Variants in AKAP12 observed in about 807,000 individuals in gnomAD.
The protein encoded by AKAP12 is A-kinase anchoring protein 12, also known as A-kinase anchor protein 12.
A neutral mutation model predicts 79.9 loss-of-function variants in AKAP12; 32 were observed. The observed-to-expected ratio is 0.40, with a 90% CI of 0.30 to 0.54. The LOEUF is 0.54. AKAP12 is among the 20% of genes least tolerant of loss of function. The pLI is 0.48. For synonymous variants in AKAP12, 808 were observed against 857.0 expected, an observed-to-expected ratio of 0.94 and a Z score of 1.00; for missense variants, 2,074 against 2,177.0, an observed-to-expected ratio of 0.95 and a Z score of 0.94.
chr6:151,341,661 C>T, intron 3 of AKAP12: 3 of 1,143,546 alleles, frequency 2.6e-6, no homozygotes, highest in Middle Eastern at 2.5e-4. Flanking sequence ...CTGCGCGCGC[C>T]ATGCCCTGGT....
In AKAP12 at chr6:151,284,838, T is replaced by A. The variant is rs528138448; in HGVS notation, c.163-20909T>A. Among the ~76,000 whole-genome samples the A allele has an allele frequency of 2.0e-5, 3 of 152,312 alleles. No homozygotes were observed. In the South Asian group the frequency reaches 6.2e-4, roughly 32 times the overall value. On this transcript the variant is annotated intron_variant, in intron 2 of 4. Coordinates refer to ENST00000402676, the MANE Select transcript of AKAP12 (RefSeq NM_005100.4). The stretch of plus-strand genomic sequence containing the variant: ...GTCTTTGATGTGTGGCACTTCCTTT[T>A]GACTTGACGCATCCAGATGACATAG...
rs367742106 is a variant in AKAP12 at position 151,352,414 on chromosome 6, C to T, written c.4023C>T (p.Val1341=). The T allele has an allele frequency of 8.1e-6, 13 of 1,613,922 alleles. No homozygotes were observed. The highest frequency in any genetic ancestry group is 1.7e-5 in the Admixed American group (1 of 59,982). ...TGGAGAGAGAGATGGTAGTTCAAGT[C>T]GAAAGGGAGAAAACAGAAGCAGAGC... ...SPVEREMVVQ[V]EREKTEAEPT... Residue 1341 remains valine, a synonymous_variant, in exon 4 of 5, where the codon GTC becomes GTT. Coordinates refer to ENST00000402676, the MANE Select transcript of AKAP12 (RefSeq NM_005100.4).
intron 2 of AKAP12, among the ~76,000 whole-genome samples, chr6:151,280,917 C>T (rs1014259597): frequency 2.3e-4 from 35 of 152,148 alleles, no homozygotes; most frequent in Non-Finnish European, 1.0e-4. Flanking sequence ...TTGCAGTTAG[C>T]TTGAAACACT....
At chr6:151,285,541 A>G (rs1420252378) in intron 2 of AKAP12, among the ~76,000 whole-genome samples, 1 of 152,122 alleles carries the variant, frequency 6.6e-6, no homozygotes, top group East Asian at 1.9e-4. Flanking sequence ...ATTGAGTATT[A>G]TAGCAAAGTC....
chr6:151,251,870 G>C lies in AKAP12; in HGVS notation c.162+11146G>C, dbSNP rs193030705. Among the ~76,000 whole-genome samples the C allele has an allele frequency of 5.9e-3, 898 of 152,190 alleles. 9 individuals carry two copies. Among genetic ancestry groups the C allele is most frequent in the African/African-American group, 0.021 (864 of 41,524 alleles). On this transcript the variant is annotated intron_variant, in intron 2 of 4. Coordinates refer to ENST00000402676, the MANE Select transcript of AKAP12 (RefSeq NM_005100.4). ...AAATTAGCCAGGCATGGTGGCACGCGCCTGTAGTCCCACCTACCTGGGAAG... is the reference window on the plus strand; with the variant it reads ...AAATTAGCCAGGCATGGTGGCACGCCCCTGTAGTCCCACCTACCTGGGAAG...
intron 3 of AKAP12, among the ~76,000 whole-genome samples, chr6:151,334,929 A>G (rs1017572711): frequency 2.0e-5 from 3 of 151,894 alleles, no homozygotes; most frequent in African/African-American, 4.8e-5. Flanking sequence ...GGCCTTCAAC[A>G]TTTTGTATTG....
At chr6:151,251,526 A>T (rs1469309847) in intron 2 of AKAP12, among the ~76,000 whole-genome samples, 1 of 152,152 alleles carries the variant, frequency 6.6e-6, no homozygotes, top group African/African-American at 2.4e-5. Flanking sequence ...ATGAGATTTT[A>T]AGAGTTGGAA....
chr6:151,312,095 C>G (rs1160589805), intron 3 of AKAP12, among the ~76,000 whole-genome samples: 1 of 152,158 alleles, frequency 6.6e-6, no homozygotes, highest in Admixed American at 6.5e-5. Flanking sequence ...TTACAGCCCT[C>G]CACTCCTCCT....
intron 2 of AKAP12, among the ~76,000 whole-genome samples, chr6:151,271,919 C>T (rs1776191772): frequency 6.6e-6 from 1 of 152,154 alleles, no homozygotes; most frequent in South Asian, 2.1e-4. Flanking sequence ...CTCGGCCTCC[C>T]AAAGTGCTGG....
chr6:151,324,965 G>C (rs1777487022), intron 3 of AKAP12: 22 of 985,292 alleles, frequency 2.2e-5, no homozygotes, highest in Non-Finnish European at 2.7e-5. Flanking sequence ...ATTGGAACAT[G>C]GCATAGTTTG....
chr6:151,308,625 G>A (rs1430372683), intron 3 of AKAP12, among the ~76,000 whole-genome samples: 1 of 152,132 alleles, frequency 6.6e-6, no homozygotes, highest in African/African-American at 2.4e-5. Context: ...ACCCACCAGA[G>A]GTGTTTCTGG....
Position 151,242,873 on chromosome 6 carries a change from A to G in AKAP12, c.162+2149A>G, listed in dbSNP as rs552879553. Among the ~76,000 whole-genome samples the G allele has an allele frequency of 3.9e-5, 6 of 152,350 alleles. No homozygotes were observed. The East Asian group carries it at 1.2e-3, about 29-fold the overall frequency. On this transcript the variant is annotated intron_variant, in intron 2 of 4. Coordinates refer to ENST00000402676, the MANE Select transcript of AKAP12 (RefSeq NM_005100.4). ...GCAGCTCTCAGGAATACTTGTGGAA[A>G]GAGGAAGGGGTGATATTGGCTCCTT...
intron 2 of AKAP12, among the ~76,000 whole-genome samples, chr6:151,293,047 G>T (rs1189130523): frequency 6.6e-6 from 1 of 152,102 alleles, no homozygotes; most frequent in African/African-American, 2.4e-5. Flanking sequence ...ACCTTACTTG[G>T]GATAACGCTG....
At chr6:151,250,333 C>A (rs1479912147) in intron 2 of AKAP12, among the ~76,000 whole-genome samples, 2 of 148,246 alleles carry the variant, frequency 1.3e-5, no homozygotes, top group African/African-American at 5.0e-5. Context: ...CTCCGCTTTA[C>A]TAAAAATACA....
intron 2 of AKAP12, among the ~76,000 whole-genome samples, chr6:151,290,428 CT>C (rs1352763034): frequency 4.6e-5 from 7 of 152,102 alleles, no homozygotes; most frequent in African/African-American, 1.4e-4. Flanking sequence ...CAACTACAGT[CT>C]TTCTCCACTT....
intron 4 of AKAP12, among the ~76,000 whole-genome samples, chr6:151,355,344 C>A (rs1351739844): frequency 6.6e-6 from 1 of 151,366 alleles, no homozygotes; most frequent in African/African-American, 2.4e-5. Flanking sequence ...CGCTCTGTCG[C>A]CAGGCTGGAG....
chr6:151,302,482 C>T (rs572574971), intron 2 of AKAP12, among the ~76,000 whole-genome samples: 22 of 152,184 alleles, frequency 1.4e-4, no homozygotes, highest in African/African-American at 4.8e-4. Flanking sequence ...AAAGAGTAGA[C>T]GGAAATTTGT....
At chr6:151,241,840 A>T (rs1049616846) in intron 2 of AKAP12, among the ~76,000 whole-genome samples, 1 of 151,764 alleles carries the variant, frequency 6.6e-6, no homozygotes, top group South Asian at 2.1e-4. Context: ...AAAAAAAAAA[A>T]AAAGGAACCT....
chr6:151,276,653 C>T (rs987852632), intron 2 of AKAP12, among the ~76,000 whole-genome samples: 5 of 152,370 alleles, frequency 3.3e-5, no homozygotes, highest in Admixed American at 6.5e-5. Flanking sequence ...GAGAAGCCAG[C>T]GCAGCTGGGA....
Sources: allele counts gnomAD v4.1 joint callset (sites outside exome capture counted in the v4.1 genomes callset), GRCh38; gene constraint gnomAD v4.1.1; transcripts MANE v1.5; gene names NCBI Gene and HGNC (gene_info 2026-07-23, HGNC 2026-07-21).